ZNF350: variants seen among roughly 807,000 people sequenced by gnomAD.
ZNF350 encodes the protein KRAB zinc finger protein ZFQR.
In ZNF350, 5 loss-of-function variants were observed where a neutral mutation model predicts 13.1. The ratio of observed to expected loss-of-function variants is 0.38; its 90% CI spans 0.20 to 0.80. The LOEUF (loss-of-function observed/expected upper bound fraction) is 0.80, where lower values mean the gene tolerates loss of function less well. Among genes scored for constraint, ZNF350 ranks in the 30% least tolerant of loss-of-function variants. The pLI is 0.43. For synonymous variants in ZNF350, 199 were observed against 224.2 expected, an observed-to-expected ratio of 0.89 and a Z score of 1.00; for missense variants, 534 against 644.2, an observed-to-expected ratio of 0.83 and a Z score of 1.85.
In ZNF350 at chr19:51,976,303, C is replaced by T. The variant is rs1482277872; in HGVS notation, c.-171-1772G>A. 6.6e-6 allele frequency: 1 copy of T among 152,248 alleles called. No homozygotes were observed. The allele number at this position is 152,248 out of a possible 1,614,324, so 9.4% of individuals were successfully genotyped here. ...GCTGTGTAAAGCTCAGGGCCCTTGT[C>T]CCCTAGAGGCAAAGCGCCCCCGATC... On this transcript the variant is annotated intron_variant, in intron 1 of 4. Transcript: ENST00000243644. The surrounding 1 kb of genome is among the most constrained non-coding windows in gnomAD (Gnocchi z 4.5).
intron 1 of ZNF350, among the ~76,000 whole-genome samples, chr19:51,980,484 A>G (rs549963772): frequency 6.6e-6 from 1 of 152,228 alleles, no homozygotes; most frequent in African/African-American, 2.4e-5. Flanking sequence ...GGACACGCAC[A>G]GCTGACCAAG....
intron 1 of ZNF350, among the ~76,000 whole-genome samples, chr19:51,985,007 A>C (rs977039164): frequency 6.6e-6 from 1 of 152,268 alleles, no homozygotes; most frequent in East Asian, 1.9e-4. Flanking sequence ...TAATTATATA[A>C]AGAAAAGCCT....
rs1232092135 is a variant in ZNF350, at chr19:51,969,136, A to T, written c.16-5T>A. On this transcript the variant is annotated splice_region_variant and splice_polypyrimidine_tract_variant and intron_variant, in intron 2 of 4. Coordinates refer to ENST00000243644, the MANE Select transcript of ZNF350 (RefSeq NM_021632.4). Reference sequence around the variant, plus strand: ...ATCCTCCAGTGTTATGGATTCCTGTAATAACAGTCCTGTTTAATAAAGTGA... The same window carrying T: ...ATCCTCCAGTGTTATGGATTCCTGTTATAACAGTCCTGTTTAATAAAGTGA... 2.5e-6 allele frequency: 4 copies of T among 1,613,412 alleles called. No homozygotes were observed. The highest frequency in any genetic ancestry group is 3.4e-6 in the Non-Finnish European group (4 of 1,179,610).
intron 1 of ZNF350, among the ~76,000 whole-genome samples, chr19:51,982,312 G>C (rs1281025940): frequency 6.6e-6 from 1 of 151,896 alleles, no homozygotes; most frequent in Non-Finnish European, 1.5e-5. Context: ...CTCACGGTTT[G>C]TTCCCTTTTG....
In ZNF350 at chr19:51,964,717, A is replaced by G; in HGVS notation, c.*137T>C. ...TTAACATCAAATTTGCCTGTGTATC[A>G]CAGCATACATTTTAATAGGATGAGT... On this transcript the variant is annotated 3_prime_UTR_variant, in exon 5 of 5. Coordinates refer to ENST00000243644, the MANE Select transcript of ZNF350 (RefSeq NM_021632.4). 1 of 1,043,686 alleles carries G rather than the reference A, an allele frequency of 9.6e-7. No homozygotes were observed. Among genetic ancestry groups the G allele is most frequent in the Non-Finnish European group, 1.4e-6 (1 of 735,280 alleles). The allele number at this position is 1,043,686 out of a possible 1,614,324, so 64.7% of individuals were successfully genotyped here.
intron 1 of ZNF350, among the ~76,000 whole-genome samples, chr19:51,977,105 C>A (rs8104064): frequency 6.6e-6 from 1 of 152,246 alleles, no homozygotes; most frequent in South Asian, 2.1e-4. Context: ...GAAATAGAAA[C>A]CCTAATACAA....
chr19:51,985,692 G>A (rs2086145757), intron 1 of ZNF350, among the ~76,000 whole-genome samples: 1 of 152,138 alleles, frequency 6.6e-6, no homozygotes, highest in Non-Finnish European at 1.5e-5. Flanking sequence ...TATAAGGCGG[G>A]CAAGCAACAC....
At chr19:51,985,459 G>C (rs765042799) in intron 1 of ZNF350, among the ~76,000 whole-genome samples, 7 of 152,130 alleles carry the variant, frequency 4.6e-5, no homozygotes, top group Non-Finnish European at 8.8e-5. Flanking sequence ...AAAAGAAAAT[G>C]CTCCCTCAGA....
intron 1 of ZNF350, among the ~76,000 whole-genome samples, chr19:51,985,929 C>T: frequency 6.6e-6 from 1 of 152,162 alleles, no homozygotes; most frequent in East Asian, 1.9e-4. Flanking sequence ...ATCGCTTGAA[C>T]CCGGGAGGCG....
At chr19:51,979,783 G>A (rs916765146) in intron 1 of ZNF350, among the ~76,000 whole-genome samples, 7 of 152,198 alleles carry the variant, frequency 4.6e-5, no homozygotes, top group African/African-American at 1.7e-4. Flanking sequence ...TGGAAAAGGT[G>A]AAAGTCAGAA....
chr19:51,979,496 C>T (rs897120195), intron 1 of ZNF350, among the ~76,000 whole-genome samples: 5 of 152,306 alleles, frequency 3.3e-5, no homozygotes, highest in South Asian at 2.1e-4. Flanking sequence ...ACCACAAAGA[C>T]GTCGCTCAGC....
At chr19:51,978,412 G>A (rs988773684) in intron 1 of ZNF350, among the ~76,000 whole-genome samples, 13 of 152,316 alleles carry the variant, frequency 8.5e-5, no homozygotes, top group East Asian at 1.9e-4. Context: ...GACTGACTCC[G>A]ATTATGAAGG....
Position 51,965,858 on chromosome 19 carries a change from T to G in ZNF350, c.595A>C (p.Thr199Pro). ...ACATGATGCTTCTCTAATTTTCGTG[T>G]TTTCTGATGCTTGGGACTGATGAAT... ...SQFISPKHQK[T>P]RKLEKHHVCS... The change falls in exon 5 of 5, where the codon ACA becomes CCA. Residue 199 changes from threonine to proline, a missense_variant. Transcript: ENST00000243644. 6.2e-7 allele frequency: 1 copy of G among 1,614,172 alleles called. No individual in the cohort carries two copies. The highest frequency in any genetic ancestry group is 1.7e-5 in the Admixed American group (1 of 60,028).
At chr19:51,968,754 G>GA in intron 3 of ZNF350, 81 bp from the exon 4 acceptor site, 2 of 1,496,940 alleles carry the variant, frequency 1.3e-6, no homozygotes, top group South Asian at 2.4e-5. Flanking sequence ...TACATTTCAA[G>GA]AAACTTGAGT....
intron 1 of ZNF350, among the ~76,000 whole-genome samples, chr19:51,985,458 T>C (rs8102072): frequency 0.22 from 33,895 of 152,020 alleles, 3,977 homozygotes; most frequent in South Asian, 0.51. Flanking sequence ...AAAAAGAAAA[T>C]GCTCCCTCAG....
intron 2 of ZNF350, among the ~76,000 whole-genome samples, chr19:51,972,799 A>T (rs2085777966): frequency 6.6e-6 from 1 of 152,086 alleles, no homozygotes; most frequent in African/African-American, 2.4e-5. Context: ...AATATGTGAA[A>T]AGAAAACTTT....
intron 1 of ZNF350, chr19:51,981,128 A>C (rs1216943969): frequency 6.6e-6 from 1 of 152,234 alleles, no homozygotes; most frequent in African/African-American, 2.4e-5. Context: ...GAGCAAACTC[A>C]GGACTGCTCC....
intron 2 of ZNF350, among the ~76,000 whole-genome samples, chr19:51,972,228 G>A (rs2085757484): frequency 2.0e-5 from 3 of 150,426 alleles, no homozygotes; most frequent in Non-Finnish European, 4.4e-5. Flanking sequence ...TTGGGAGGCA[G>A]GAGGATTGCT....
At chr19:51,975,435 A>AG (rs1427809566) in intron 1 of ZNF350, among the ~76,000 whole-genome samples, 3 of 150,992 alleles carry the variant, frequency 2.0e-5, no homozygotes, top group African/African-American at 7.3e-5. Context: ...GTCTTAAAAA[A>AG]AAAAAAAAAA....
Sources: allele counts gnomAD v4.1 joint callset (sites outside exome capture counted in the v4.1 genomes callset), GRCh38; gene constraint gnomAD v4.1.1; non-coding constraint Gnocchi (gnomAD v3.1); transcripts MANE v1.5; gene names NCBI Gene and HGNC (gene_info 2026-07-23, HGNC 2026-07-21).